The following PTPRR variants were observed in gnomAD, a reference collection of about 807,000 sequenced individuals.
PTPRR encodes receptor-type tyrosine-protein phosphatase R.
PTPRR carries 38 observed loss-of-function variants against 77.2 expected under a neutral mutation model. That is an observed-to-expected ratio of 0.49 (90% CI 0.38 to 0.65). The LOEUF is 0.65. Ranked by LOEUF, PTPRR falls within the 30% of genes least tolerant of loss-of-function variation. The pLI is 0.00. For missense variants in PTPRR, 744 were observed against 799.2 expected, an observed-to-expected ratio of 0.93 and a Z score of 0.83; for synonymous variants, 299 against 283.1, an observed-to-expected ratio of 1.06 and a Z score of -0.57.
At chr12:70,697,474 C>T (rs1477266336) in intron 8 of PTPRR, among the ~76,000 whole-genome samples, 1 of 152,128 alleles carries the variant, frequency 6.6e-6, no homozygotes, top group Non-Finnish European at 1.5e-5. Flanking sequence ...TTATTAGATA[C>T]ATGATTTGCA....
intron 1 of PTPRR, among the ~76,000 whole-genome samples, chr12:70,915,124 A>T (rs1055195186): frequency 6.6e-6 from 1 of 152,182 alleles, no homozygotes. Flanking sequence ...GAGGGAAGCT[A>T]GGAAGTAATG....
intron 7 of PTPRR, among the ~76,000 whole-genome samples, chr12:70,699,405 A>G (rs1888342074): frequency 6.6e-6 from 1 of 152,138 alleles, no homozygotes; most frequent in South Asian, 2.1e-4. Flanking sequence ...CTATACTATG[A>G]ATTTGAGGCT....
intron 2 of PTPRR, among the ~76,000 whole-genome samples, chr12:70,813,574 C>T (rs1051098844): frequency 6.6e-6 from 1 of 152,140 alleles, no homozygotes; most frequent in Non-Finnish European, 1.5e-5. Context: ...GACTCTTCTG[C>T]CTTAAATGAG....
intron 10 of PTPRR, among the ~76,000 whole-genome samples, chr12:70,669,685 C>T (rs1017100407): frequency 2.6e-5 from 4 of 151,956 alleles, no homozygotes; most frequent in African/African-American, 9.7e-5. Context: ...TGGTCTCTGC[C>T]TTTCAAGTAG....
chr12:70,769,876 C>A (rs868692769), intron 2 of PTPRR, among the ~76,000 whole-genome samples: 91 of 152,222 alleles, frequency 6.0e-4, no homozygotes, highest in African/African-American at 2.0e-3. Context: ...ACTATCTGAT[C>A]TTTGACAAAC....
At chr12:70,759,709 A>G (rs548511697) in intron 4 of PTPRR, among the ~76,000 whole-genome samples, 1 of 147,286 alleles carries the variant, frequency 6.8e-6, no homozygotes, top group South Asian at 2.2e-4. Context: ...AAAAAAAACA[A>G]ACGAAAGGTA....
At chr12:70,675,190 T>A (rs925050266) in intron 10 of PTPRR, among the ~76,000 whole-genome samples, 1 of 152,082 alleles carries the variant, frequency 6.6e-6, no homozygotes, top group African/African-American at 2.4e-5. Context: ...CTTTCCATTT[T>A]AACATTTCTG....
chr12:70,648,263 G>A (rs1434433527), intron 13 of PTPRR, among the ~76,000 whole-genome samples: 1 of 152,088 alleles, frequency 6.6e-6, no homozygotes, highest in Non-Finnish European at 1.5e-5. Flanking sequence ...CCTTTTCCTA[G>A]GAGATGTTTG....
chr12:70,708,815 AACACACACACACACACAC>A (rs142909764), intron 6 of PTPRR, among the ~76,000 whole-genome samples: 1 of 88,962 alleles, frequency 1.1e-5, no homozygotes, highest in Non-Finnish European at 2.7e-5. Flanking sequence ...TACAAATACA[AACACACACACACACACAC>A]ACACACACAC....
At chr12:70,767,148 A>G (rs1890845366) in intron 2 of PTPRR, among the ~76,000 whole-genome samples, 1 of 152,128 alleles carries the variant, frequency 6.6e-6, no homozygotes, top group African/African-American at 2.4e-5. Flanking sequence ...TGACAGGATC[A>G]AATTCACACA....
chr12:70,862,782 T>C (rs2137080596), intron 2 of PTPRR, among the ~76,000 whole-genome samples: 1 of 151,802 alleles, frequency 6.6e-6, no homozygotes, highest in South Asian at 2.1e-4. Flanking sequence ...GGTTAGAAAA[T>C]TCAAAGGGTA....
At chr12:70,822,434 A>C (rs1010824303) in intron 2 of PTPRR, among the ~76,000 whole-genome samples, 2 of 152,192 alleles carry the variant, frequency 1.3e-5, no homozygotes, top group African/African-American at 4.8e-5. Flanking sequence ...TTTTCTCTCA[A>C]ATAAAAAATA....
chr12:70,760,667 G>A (rs181226324), intron 4 of PTPRR, among the ~76,000 whole-genome samples: 1 of 152,306 alleles, frequency 6.6e-6, no homozygotes, highest in East Asian at 1.9e-4. Flanking sequence ...CTTAGGTGGT[G>A]CTTTACGCCT....
chr12:70,871,595 T>G (rs1035303761), intron 2 of PTPRR, among the ~76,000 whole-genome samples: 1 of 152,216 alleles, frequency 6.6e-6, no homozygotes, highest in Non-Finnish European at 1.5e-5. Flanking sequence ...AAATGAATAC[T>G]TTGTTGGCAA....
chr12:70,687,782 A>C (rs1359205872), intron 8 of PTPRR, among the ~76,000 whole-genome samples: 1 of 152,188 alleles, frequency 6.6e-6, no homozygotes, highest in Non-Finnish European at 1.5e-5. Flanking sequence ...GCTCATCAGC[A>C]TGGAAATCTC....
chr12:70,848,162 G>A (rs1420213077), intron 2 of PTPRR, among the ~76,000 whole-genome samples: 43 of 152,104 alleles, frequency 2.8e-4, no homozygotes, highest in Admixed American at 2.8e-3. Context: ...AGGCCTAAAC[G>A]AACTGTCAAA....
chr12:70,909,310 C>T (rs932849553), intron 1 of PTPRR, among the ~76,000 whole-genome samples: 2 of 152,146 alleles, frequency 1.3e-5, no homozygotes, highest in African/African-American at 4.8e-5. Flanking sequence ...CCCTCCCCCA[C>T]CACACACACA....
intron 6 of PTPRR, among the ~76,000 whole-genome samples, chr12:70,724,604 G>T (rs1047529516): frequency 6.6e-6 from 1 of 152,088 alleles, no homozygotes; most frequent in Non-Finnish European, 1.5e-5. Flanking sequence ...CTTCCTCTGT[G>T]TTTCTGGCCA....
At chr12:70,719,443 A>G (rs1486134877) in intron 6 of PTPRR, among the ~76,000 whole-genome samples, 1 of 151,944 alleles carries the variant, frequency 6.6e-6, no homozygotes, top group Non-Finnish European at 1.5e-5. Context: ...TTCAATCCAA[A>G]TCCTAATGGA....
Sources: gnomAD v4.1 joint callset for allele counts (sites outside exome capture counted in the v4.1 genomes callset) on GRCh38, gnomAD v4.1.1 for gene constraint, MANE v1.5 for transcripts, NCBI Gene and HGNC (gene_info 2026-07-23, HGNC 2026-07-21) for gene names.